The following NYAP2 variants were observed in gnomAD, a reference collection of about 807,000 sequenced individuals.
The protein encoded by NYAP2 is neuronal tyrosine-phosphorylated phosphoinositide-3-kinase adapter 2.
A neutral mutation model predicts 50.4 loss-of-function variants in NYAP2; 23 were observed. The ratio of observed to expected loss-of-function variants is 0.46; its 90% CI spans 0.33 to 0.65. The LOEUF is 0.65. NYAP2 is among the 30% of genes least tolerant of loss of function. The pLI is 0.02. For missense variants in NYAP2, 885 were observed against 861.0 expected (o/e 1.03, Z -0.35); for synonymous variants, 394 against 365.2 (o/e 1.08, Z -0.90).
At chr2:225,654,958 A>T (rs1326465090), downstream of NYAP2, among the ~76,000 whole-genome samples, 1 of 152,126 alleles carries the variant, frequency 6.6e-6, no homozygotes, top group East Asian at 1.9e-4. Flanking sequence ...TTGTAGGTGG[A>T]GTTAGGTGAA....
At chr2:225,660,439 A>C in the NYAP2 span, among the ~76,000 whole-genome samples, 1 of 89,990 alleles carries the variant, frequency 1.1e-5, no homozygotes, top group South Asian at 5.9e-4. Flanking sequence ...GACACAGGAT[A>C]CATTTTTTTT....
chr2:225,612,637 T>G (rs1046951843), intron 5 of NYAP2, among the ~76,000 whole-genome samples: 1 of 152,144 alleles, frequency 6.6e-6, no homozygotes, highest in African/African-American at 2.4e-5. Flanking sequence ...GACTCTCTTC[T>G]AGGATTGGAG....
intron 3 of NYAP2, among the ~76,000 whole-genome samples, chr2:225,431,579 C>T (rs1463200291): frequency 6.6e-6 from 1 of 152,194 alleles, no homozygotes; most frequent in East Asian, 1.9e-4. Context: ...CAAGTAATCA[C>T]ATTTATGTGC....
intron 5 of NYAP2, among the ~76,000 whole-genome samples, chr2:225,606,501 A>G (rs1692789947): frequency 6.6e-6 from 1 of 152,160 alleles, no homozygotes; most frequent in South Asian, 2.1e-4. Context: ...AAAATGTTCT[A>G]CATTACATCT....
At chr2:225,500,067 A>C (rs1690578748) in intron 3 of NYAP2, among the ~76,000 whole-genome samples, 1 of 152,250 alleles carries the variant, frequency 6.6e-6, no homozygotes, top group African/African-American at 2.4e-5. Context: ...TTGAGTCAGC[A>C]TACCAGAGGA....
intron 3 of NYAP2, among the ~76,000 whole-genome samples, chr2:225,442,484 A>C (rs1689486811): frequency 6.6e-6 from 1 of 152,210 alleles, no homozygotes; most frequent in Non-Finnish European, 1.5e-5. Flanking sequence ...CACATTTCTC[A>C]CTTTGTGTTA....
At chr2:225,478,043 G>A (rs1483651549) in intron 3 of NYAP2, among the ~76,000 whole-genome samples, 4 of 152,256 alleles carry the variant, frequency 2.6e-5, no homozygotes. Context: ...TTTCAGCCAG[G>A]AACGGTTGAA....
At chr2:225,665,692 A>ACAGCTACT in the NYAP2 span, among the ~76,000 whole-genome samples, 1 of 150,414 alleles carries the variant, frequency 6.6e-6, no homozygotes, top group Admixed American at 6.6e-5. Context: ...GCCTGTAATC[A>ACAGCTACT]CAGCTACTCA....
intron 4 of NYAP2, among the ~76,000 whole-genome samples, chr2:225,532,231 T>C (rs926776705): frequency 7.2e-5 from 11 of 152,216 alleles, no homozygotes; most frequent in African/African-American, 2.4e-4. Flanking sequence ...TGAGCAGTTC[T>C]TCACCCTACC....
intron 4 of NYAP2, among the ~76,000 whole-genome samples, chr2:225,575,169 C>T (rs758914481): frequency 7.2e-5 from 11 of 152,096 alleles, no homozygotes; most frequent in Non-Finnish European, 1.3e-4. Flanking sequence ...AACATCTTGC[C>T]AATTTTTCCC....
At chr2:225,430,371 T>C (rs1325670498) in intron 3 of NYAP2, among the ~76,000 whole-genome samples, 1 of 152,230 alleles carries the variant, frequency 6.6e-6, no homozygotes, top group Admixed American at 6.5e-5. Flanking sequence ...GTTTTTTAGA[T>C]TCCCTTCTTC....
chr2:225,472,457 G>A (rs909080961), intron 3 of NYAP2, among the ~76,000 whole-genome samples: 1 of 152,174 alleles, frequency 6.6e-6, no homozygotes, highest in Admixed American at 6.5e-5. Flanking sequence ...TAGCATAAGT[G>A]CATTGCAGCC....
At chr2:225,508,227 G>T (rs1690745189) in intron 3 of NYAP2, among the ~76,000 whole-genome samples, 1 of 152,174 alleles carries the variant, frequency 6.6e-6, no homozygotes, top group African/African-American at 2.4e-5. Context: ...GAGTGTTGGA[G>T]TCTTATTGCA....
intron 3 of NYAP2, among the ~76,000 whole-genome samples, chr2:225,426,954 G>C (rs747797210): frequency 6.6e-6 from 1 of 152,188 alleles, no homozygotes; most frequent in African/African-American, 2.4e-5. Context: ...TGAGTTACCT[G>C]TGGTCATATA....
chr2:225,684,085 T>C, the NYAP2 span, among the ~76,000 whole-genome samples: 1 of 152,162 alleles, frequency 6.6e-6, no homozygotes, highest in East Asian at 1.9e-4. Context: ...TCAATGTGAC[T>C]CAGACTTGGA....
intron 3 of NYAP2, among the ~76,000 whole-genome samples, chr2:225,438,920 A>G (rs1689427696): frequency 6.6e-6 from 1 of 152,224 alleles, no homozygotes; most frequent in South Asian, 2.1e-4. Context: ...GTACCCAAGT[A>G]TAATGTGTTT....
At position 225,506,870 on chromosome 2, in the gene NYAP2, T is replaced by C. The variant is rs190037030; in HGVS notation, c.222-6501T>C. Among the ~76,000 whole-genome samples the C allele has an allele frequency of 7.3e-4, 111 of 152,096 alleles. 1 individual carries two copies. The highest frequency in any genetic ancestry group is 2.3e-3 in the South Asian group (11 of 4,808). ...TTCAGGTGTTCCCCCATTTAATGTATGGTTGAATGTGCCCTTTCCCTGATA... is the reference window on the plus strand; with the variant it reads ...TTCAGGTGTTCCCCCATTTAATGTACGGTTGAATGTGCCCTTTCCCTGATA... On this transcript the variant is annotated intron_variant, in intron 3 of 6. Coordinates refer to ENST00000636099, the Ensembl canonical transcript of NYAP2.
chr2:225,640,403 TACTC>T (rs1411267889), intron 6 of NYAP2, among the ~76,000 whole-genome samples: 1 of 152,340 alleles, frequency 6.6e-6, no homozygotes, highest in South Asian at 2.1e-4. Flanking sequence ...TCCAGTCATT[TACTC>T]ACTCAGTGAG....
the NYAP2 span, among the ~76,000 whole-genome samples, chr2:225,684,132 G>T: frequency 6.6e-6 from 1 of 152,132 alleles, no homozygotes; most frequent in African/African-American, 2.4e-5. Context: ...TAGATGGTCT[G>T]GTCAGAGAGA....
Sources: allele counts gnomAD v4.1 joint callset (sites outside exome capture counted in the v4.1 genomes callset), GRCh38; gene constraint gnomAD v4.1.1; transcripts MANE v1.5; gene names NCBI Gene and HGNC (gene_info 2026-07-23, HGNC 2026-07-21).